Variants in CLEC16A observed in about 807,000 individuals in gnomAD.
CLEC16A encodes the protein protein CLEC16A.
Under a neutral mutation model 109.5 loss-of-function variants are expected in CLEC16A, and 51 were observed. The ratio of observed to expected loss-of-function variants is 0.47; its 90% CI spans 0.37 to 0.59. The LOEUF (loss-of-function observed/expected upper bound fraction) is 0.59. Ranked by LOEUF, CLEC16A falls within the 20% of genes least tolerant of loss-of-function variation. The pLI, the probability that CLEC16A is intolerant of heterozygous loss-of-function variation, is 0.00. For missense variants in CLEC16A, 1,339 were observed against 1,394.0 expected, an observed-to-expected ratio of 0.96 and a Z score of 0.63; for synonymous variants, 673 against 564.2, an observed-to-expected ratio of 1.19 and a Z score of -2.73.
intron 16 of CLEC16A, among the ~76,000 whole-genome samples, chr16:11,047,067 TA>T (rs1248324199): frequency 6.6e-6 from 1 of 152,118 alleles, no homozygotes; most frequent in Non-Finnish European, 1.5e-5. Context: ...TCCATATACT[TA>T]AAAAGGAAGG....
chr16:10,973,327 A>C (rs1295637738), intron 7 of CLEC16A, among the ~76,000 whole-genome samples: 1 of 152,200 alleles, frequency 6.6e-6, no homozygotes, highest in Non-Finnish European at 1.5e-5. Context: ...GAGAAGGTCA[A>C]GGGGCTCTGT....
At chr16:11,054,251 A>G (rs2048097329) in intron 18 of CLEC16A, among the ~76,000 whole-genome samples, 1 of 152,226 alleles carries the variant, frequency 6.6e-6, no homozygotes, top group Non-Finnish European at 1.5e-5. Context: ...GGAGAAATGC[A>G]GGGGCCAGTT....
intron 19 of CLEC16A, among the ~76,000 whole-genome samples, chr16:11,117,701 T>C (rs953019950): frequency 1.3e-5 from 2 of 152,196 alleles, no homozygotes; most frequent in Non-Finnish European, 2.9e-5. Context: ...ACTTCACTCC[T>C]CATGGGTAAC....
In CLEC16A at chr16:11,024,920, A is replaced by G; in HGVS notation, c.1536A>G (p.Lys512=). ...TCCTCTATGCCATGTCTCATAATAAAGGTAAGCACCCTTGCCTTGCCTGAC... is the reference window on the plus strand; with the variant it reads ...TCCTCTATGCCATGTCTCATAATAAGGGTAAGCACCCTTGCCTTGCCTGAC... ...LCLLYAMSHN[K]GMDPEKLERI... is the part of the protein sequence containing the mutation. Residue 512 remains lysine, a splice_region_variant and synonymous_variant, in exon 13 of 24, where the codon AAA becomes AAG. Transcript: ENST00000409790. 6.2e-7 allele frequency: 1 copy of G among 1,603,586 alleles called. No individual in the cohort carries two copies. The highest frequency in any genetic ancestry group is 1.1e-5 in the South Asian group (1 of 88,836).
chr16:10,990,667 T>C (rs964702995), intron 10 of CLEC16A, among the ~76,000 whole-genome samples: 1 of 152,248 alleles, frequency 6.6e-6, no homozygotes. Context: ...AGACCCTAGC[T>C]GGCTTTTCTA....
chr16:11,161,586 A>C (rs79941182), intron 22 of CLEC16A, among the ~76,000 whole-genome samples: 1,940 of 152,296 alleles, frequency 0.013, 46 homozygotes, highest in African/African-American at 0.045. Flanking sequence ...CTCGAAAGAT[A>C]TCTGGGGGTT....
At chr16:11,071,084 C>T (rs1021088267) in intron 19 of CLEC16A, 2 of 152,230 alleles carry the variant, frequency 1.3e-5, no homozygotes, top group Admixed American at 6.5e-5. Flanking sequence ...CTATTTTCAT[C>T]GGATTGCCTG....
At chr16:11,119,554 C>A (rs1056993629) in intron 19 of CLEC16A, among the ~76,000 whole-genome samples, 2 of 152,136 alleles carry the variant, frequency 1.3e-5, no homozygotes, top group Non-Finnish European at 2.9e-5. Context: ...CCACACTCAA[C>A]TAATTTTTTG....
intron 1 of CLEC16A, among the ~76,000 whole-genome samples, chr16:10,953,005 C>T (rs1479762267): frequency 2.0e-5 from 3 of 152,082 alleles, no homozygotes; most frequent in African/African-American, 7.2e-5. Context: ...AAAATTTTAG[C>T]ACGTATTTTT....
intron 11 of CLEC16A, among the ~76,000 whole-genome samples, chr16:11,017,190 G>C (rs1047782855): frequency 3.9e-5 from 6 of 152,210 alleles, no homozygotes; most frequent in African/African-American, 1.4e-4. Flanking sequence ...ATTGCCACTC[G>C]GGCCCGCTGC....
chr16:11,009,920 A>T (rs77882500), intron 11 of CLEC16A, among the ~76,000 whole-genome samples: 1 of 152,146 alleles, frequency 6.6e-6, no homozygotes, highest in Non-Finnish European at 1.5e-5. Flanking sequence ...TCGGGAGGCC[A>T]ACACAAGAGG....
At chr16:11,052,969 C>CT (rs1393555570) in intron 18 of CLEC16A, among the ~76,000 whole-genome samples, 1 of 152,132 alleles carries the variant, frequency 6.6e-6, no homozygotes, top group Non-Finnish European at 1.5e-5. Context: ...TCATAGCTCA[C>CT]TGCAGCCTCA....
chr16:11,015,251 C>A (rs2045673705), intron 11 of CLEC16A, among the ~76,000 whole-genome samples: 4 of 151,950 alleles, frequency 2.6e-5, no homozygotes, highest in Admixed American at 6.5e-5. Flanking sequence ...GCACAGGTGT[C>A]ACAGCCAGGG....
In CLEC16A at chr16:10,967,399, CTTTG is replaced by C. The variant is rs375862890; in HGVS notation, c.344-1754_344-1751del. On this transcript the variant is annotated intron_variant, in intron 3 of 23. Transcript: ENST00000409790. Reference sequence around the variant, plus strand: ...AGTCCTGGAATATGGTAGAGATTTTCTTTGTTTGTTTTGTTTTTAGAGACAGGTC... The same window carrying C: ...AGTCCTGGAATATGGTAGAGATTTTCTTTGTTTTGTTTTTAGAGACAGGTC... Among the ~76,000 whole-genome samples the C allele has an allele frequency of 1.2e-4, 18 of 152,142 alleles. No homozygotes were observed. In the East Asian group the frequency reaches 1.5e-3, roughly 13 times the overall value.
intron 11 of CLEC16A, among the ~76,000 whole-genome samples, chr16:11,005,419 T>TC (rs1486779255): frequency 2.6e-5 from 4 of 152,150 alleles, no homozygotes; most frequent in Non-Finnish European, 5.9e-5. Flanking sequence ...CCCAGGAATC[T>TC]CCCCAGAGGC....
rs1217740002 is a variant in CLEC16A, at chr16:11,145,429, G to C, written c.2641+19283G>C. 2.0e-5 allele frequency among the ~76,000 whole-genome samples: 3 copies of C among 152,324 alleles called. No individual in the cohort carries two copies. The East Asian group carries it at 5.8e-4, about 29-fold the overall frequency. On this transcript the variant is annotated intron_variant, in intron 22 of 23. Transcript: ENST00000409790. Reference sequence around the variant, plus strand: ...GTCATCCGCGGCCTCTCCCACTCCTGCATCCAGTCCCTCCCCAAGCCTGTC... The same window carrying C: ...GTCATCCGCGGCCTCTCCCACTCCTCCATCCAGTCCCTCCCCAAGCCTGTC...
At chr16:10,976,603 G>A (rs2043041992) in intron 7 of CLEC16A, among the ~76,000 whole-genome samples, 2 of 152,216 alleles carry the variant, frequency 1.3e-5, no homozygotes, top group South Asian at 4.1e-4. Context: ...AAAATGCCTA[G>A]CTAGCATTTG....
chr16:10,967,618 G>T (rs1256156509), intron 3 of CLEC16A, among the ~76,000 whole-genome samples: 1 of 152,156 alleles, frequency 6.6e-6, no homozygotes, highest in African/African-American at 2.4e-5. Flanking sequence ...TTGCATTGCG[G>T]CCCATGCTGT....
intron 4 of CLEC16A, among the ~76,000 whole-genome samples, chr16:10,970,256 A>G (rs1211343744): frequency 6.6e-6 from 1 of 152,140 alleles, no homozygotes; most frequent in African/African-American, 2.4e-5. Flanking sequence ...GCCACTGCCA[A>G]AATGCCTGAT....
Sources: allele counts gnomAD v4.1 joint callset (sites outside exome capture counted in the v4.1 genomes callset), GRCh38; gene constraint gnomAD v4.1.1; transcripts MANE v1.5; gene names NCBI Gene and HGNC (gene_info 2026-07-23, HGNC 2026-07-21).